The following HIVEP3 variants were observed in gnomAD, a reference collection of about 807,000 sequenced individuals.
The protein encoded by HIVEP3 is transcription factor HIVEP3.
In HIVEP3, 49 loss-of-function variants were observed where a neutral mutation model predicts 152.8. The ratio of observed to expected loss-of-function variants is 0.32; its 90% CI spans 0.26 to 0.41. The LOEUF (loss-of-function observed/expected upper bound fraction) is 0.41. HIVEP3 is among the 10% of genes least tolerant of loss of function. The probability of loss-of-function intolerance (pLI) is 1.00; values close to 1 mark genes in which losing one functional copy is unlikely to be tolerated. For synonymous variants in HIVEP3, 1,269 were observed against 1,289.0 expected (o/e 0.98, Z 0.33); for missense variants, 2,790 against 3,103.3 (o/e 0.90, Z 2.40).
At chr1:41,849,239 T>G (rs768787031) in intron 1 of HIVEP3, 4 of 152,208 alleles carry the variant, frequency 2.6e-5, no homozygotes, top group Non-Finnish European at 4.4e-5. Context: ...GTCACCAGAT[T>G]GCTTATTCTA....
At chr1:41,641,354 G>C (rs544970723) in intron 2 of HIVEP3, among the ~76,000 whole-genome samples, 2 of 152,220 alleles carry the variant, frequency 1.3e-5, no homozygotes, top group Admixed American at 1.3e-4. Context: ...TTAGCTAAGA[G>C]GGGAAGCCTG....
intron 1 of HIVEP3, among the ~76,000 whole-genome samples, chr1:41,796,873 T>G (rs1297979522): frequency 2.6e-5 from 4 of 152,208 alleles, no homozygotes; most frequent in Non-Finnish European, 5.9e-5. Flanking sequence ...CTTGAACCCA[T>G]GCAAGCTTCA....
intron 1 of HIVEP3, among the ~76,000 whole-genome samples, chr1:41,915,907 T>C (rs746894651): frequency 3.9e-5 from 6 of 152,140 alleles, no homozygotes; most frequent in Non-Finnish European, 8.8e-5. Flanking sequence ...GATTTGTAAA[T>C]ACACTTTGAC....
chr1:41,898,173 G>A (rs1644564967), intron 1 of HIVEP3, among the ~76,000 whole-genome samples: 1 of 152,166 alleles, frequency 6.6e-6, no homozygotes, highest in Non-Finnish European at 1.5e-5. Context: ...TTCAGTCTTG[G>A]TGCATCTTGG....
chr1:41,522,438 T>G (rs1461616770), intron 6 of HIVEP3, among the ~76,000 whole-genome samples: 1 of 152,234 alleles, frequency 6.6e-6, no homozygotes, highest in Non-Finnish European at 1.5e-5. Context: ...TAGAAGCCCC[T>G]GTGAACAGTT....
At chr1:41,529,155 AC>A (rs1643144156) in intron 5 of HIVEP3, among the ~76,000 whole-genome samples, 1 of 44,554 alleles carries the variant, frequency 2.2e-5, no homozygotes, top group African/African-American at 8.2e-5. Context: ...ACACACCCTC[AC>A]CCTCACACAT....
Position 41,859,233 on chromosome 1 carries a change from C to A in HIVEP3, c.-801+59180G>T, listed in dbSNP as rs555245515. ...GAAGCTGGGCCTGGCCAGTTTTCTACCCTGCCGAACCAGAGTAGCTGGCAC... is the reference window on the plus strand; with the variant it reads ...GAAGCTGGGCCTGGCCAGTTTTCTAACCTGCCGAACCAGAGTAGCTGGCAC... On this transcript the variant is annotated intron_variant, in intron 1 of 8. Transcript: ENST00000372583. Among the ~76,000 whole-genome samples the A allele has an allele frequency of 1.6e-3, 236 of 152,250 alleles. 1 individual carries two copies. Among genetic ancestry groups the A allele is most frequent in the Non-Finnish European group, 2.5e-3 (172 of 68,026 alleles).
At chr1:41,673,883 G>A (rs934485365) in intron 2 of HIVEP3, among the ~76,000 whole-genome samples, 7 of 152,192 alleles carry the variant, frequency 4.6e-5, no homozygotes, top group African/African-American at 1.7e-4. Flanking sequence ...AAAGCATCAC[G>A]TTAGGTGCCA....
At chr1:41,671,141 A>T (rs1012453638) in intron 2 of HIVEP3, among the ~76,000 whole-genome samples, 1 of 152,056 alleles carries the variant, frequency 6.6e-6, no homozygotes, top group African/African-American at 2.4e-5. Context: ...CTCTCAGGGG[A>T]CTTGTGAGGA....
At chr1:41,568,888 G>C (rs1644209590) in intron 5 of HIVEP3, among the ~76,000 whole-genome samples, 1 of 152,218 alleles carries the variant, frequency 6.6e-6, no homozygotes, top group Admixed American at 6.5e-5. Flanking sequence ...TAATGGAGAT[G>C]GGGCCTGGTG....
At chr1:41,789,921 A>G (rs1649586272) in intron 1 of HIVEP3, among the ~76,000 whole-genome samples, 2 of 152,224 alleles carry the variant, frequency 1.3e-5, no homozygotes, top group Admixed American at 1.3e-4. Context: ...TTATGCATAG[A>G]CAGCTTGTCA....
intron 4 of HIVEP3, 111 bp from the exon 5 acceptor site, chr1:41,575,800 C>A: frequency 8.6e-7 from 1 of 1,156,640 alleles, no homozygotes; most frequent in Non-Finnish European, 1.2e-6. Context: ...TACACATATG[C>A]AATCTTCACA....
intron 6 of HIVEP3, among the ~76,000 whole-genome samples, chr1:41,524,137 G>A (rs896103008): frequency 1.2e-4 from 19 of 152,150 alleles, no homozygotes; most frequent in East Asian, 1.9e-4. Flanking sequence ...ACCCTGATGT[G>A]GGGTGTGGCT....
chr1:41,800,006 T>C (rs1244192403), intron 1 of HIVEP3, among the ~76,000 whole-genome samples: 1 of 152,176 alleles, frequency 6.6e-6, no homozygotes, highest in South Asian at 2.1e-4. Context: ...ACTCTGCAAA[T>C]GGCCTCTTCC....
intron 1 of HIVEP3, among the ~76,000 whole-genome samples, chr1:41,997,367 C>T (rs965490267): frequency 1.3e-5 from 2 of 152,152 alleles, no homozygotes; most frequent in Non-Finnish European, 2.9e-5. Context: ...GAGCTTCACC[C>T]CCATTTTTGA....
chr1:41,924,518 G>T (rs1644958131), intron 1 of HIVEP3, among the ~76,000 whole-genome samples: 1 of 152,122 alleles, frequency 6.6e-6, no homozygotes, highest in Non-Finnish European at 1.5e-5. Context: ...TCACATGCAA[G>T]GAGATGGTAG....
In HIVEP3 at chr1:41,580,494, G is replaced by T; in HGVS notation, c.4304C>A (p.Ala1435Asp). The T allele has an allele frequency of 6.2e-7, 1 of 1,614,228 alleles. No homozygotes were observed. Among genetic ancestry groups the T allele is most frequent in the Non-Finnish European group, 8.5e-7 (1 of 1,180,042 alleles). The change falls in exon 4 of 9, where the codon GCT (alanine) becomes GAT (aspartate). Residue 1435 changes from alanine (A) to aspartate (D), a missense_variant. Around this residue, in one of 9 missense-constraint regions of HIVEP3, gnomAD observed 1,078 missense variants for 1,165.3 expected, o/e 0.93. Coordinates refer to ENST00000372583, the MANE Select transcript of HIVEP3 (RefSeq NM_024503.5). ...TTCCATGGTAAGTTCAAGGCTGCCA[G>T]CTGGTGAAAGGACACGTTTGCTTCC... is the stretch of plus-strand genomic sequence containing the variant. ...AGGSKRVLSPAGSLELTMETQ... is the reference protein window; with the variant it reads ...AGGSKRVLSPDGSLELTMETQ...
chr1:41,661,769 G>A (rs1178959415), intron 2 of HIVEP3, among the ~76,000 whole-genome samples: 1 of 152,208 alleles, frequency 6.6e-6, no homozygotes, highest in Non-Finnish European at 1.5e-5. Context: ...CCGCGCCGGG[G>A]TGAGAGTCTG....
Position 41,579,884 on chromosome 1 carries a change from G to T in HIVEP3, c.4914C>A (p.Asn1638Lys). 3.1e-6 allele frequency: 5 copies of T among 1,614,214 alleles called. No individual in the cohort carries two copies. The highest frequency in any genetic ancestry group is 4.2e-6 in the Non-Finnish European group (5 of 1,180,032). The change falls in exon 4 of 9, where the codon AAC becomes AAA. Residue 1638 changes from asparagine to lysine, a missense_variant. Around this residue, in one of 9 missense-constraint regions of HIVEP3, gnomAD observed 1,078 missense variants for 1,165.3 expected, o/e 0.93. Coordinates refer to ENST00000372583, the MANE Select transcript of HIVEP3 (RefSeq NM_024503.5). Reference sequence around the variant, plus strand: ...CAGCTTTAGTGGAAACCCCCGGAAGGTTGGGGTTGTACAAACTTATGCACC... The same window carrying T: ...CAGCTTTAGTGGAAACCCCCGGAAGTTTGGGGTTGTACAAACTTATGCACC... Reference protein sequence around the residue: ...AGWCISLYNPNLPGVSTKAAL... With the variant: ...AGWCISLYNPKLPGVSTKAAL...
Sources: allele counts gnomAD v4.1 joint callset (sites outside exome capture counted in the v4.1 genomes callset), GRCh38; gene constraint gnomAD v4.1.1; regional missense constraint gnomAD v4.1.1; transcripts MANE v1.5; gene names NCBI Gene and HGNC (gene_info 2026-07-23, HGNC 2026-07-21).